Variants in NOD2 observed in about 807,000 individuals in gnomAD.
NOD2 encodes nucleotide binding oligomerization domain containing 2.
NOD2 carries 86 observed loss-of-function variants against 90.9 expected under a neutral mutation model. The ratio of observed to expected loss-of-function variants is 0.95; its 90% CI spans 0.79 to 1.13. The LOEUF (loss-of-function observed/expected upper bound fraction) is 1.13, where lower values mean the gene tolerates loss of function less well. Among genes scored for constraint, NOD2 ranks in the 50% most tolerant of loss-of-function variants. NOD2 has a pLI of 0.00. For synonymous variants in NOD2, 581 were observed against 554.6 expected (o/e 1.05, Z -0.67); for missense variants, 1,238 against 1,283.8 (o/e 0.96, Z 0.55).
At chr16:50,701,509 C>T (rs966356864) in intron 2 of NOD2, among the ~76,000 whole-genome samples, 1 of 152,204 alleles carries the variant, frequency 6.6e-6, no homozygotes, top group Non-Finnish European at 1.5e-5. Flanking sequence ...TGGTGCAGTC[C>T]TCTCTGATTA....
intron 1 of NOD2, chr16:50,696,286 G>T (rs1280911639): frequency 6.6e-6 from 1 of 152,308 alleles, no homozygotes; most frequent in African/African-American, 2.4e-5. Context: ...CTCAGGCCTG[G>T]GCCTGGGTTT....
chr16:50,729,227 G>A (rs1334531343), intron 10 of NOD2: 2 of 159,236 alleles, frequency 1.3e-5, no homozygotes, highest in African/African-American at 4.8e-5. Context: ...CAAGAGATTT[G>A]GGTGGGGACA....
chr16:50,718,468 T>G (rs1964899041), intron 6 of NOD2, among the ~76,000 whole-genome samples: 1 of 152,248 alleles, frequency 6.6e-6, no homozygotes, highest in East Asian at 1.9e-4. Flanking sequence ...ATTGTTTATC[T>G]CTAGAATTTT....
At position 50,697,100 on chromosome 16, in the gene NOD2, C is replaced by T. The variant is rs199475909; in HGVS notation, c.-8-2388C>T. 22 of 787,574 alleles carry T rather than the reference C, an allele frequency of 2.8e-5. No homozygotes were observed. The highest frequency in any genetic ancestry group is 1.5e-4 in the African/African-American group (9 of 58,516). 48.8% of individuals were successfully genotyped at this position (787,574 alleles called of 1,614,324 possible). A position where few individuals can be genotyped will look rare whatever the true frequency, so the allele number is the denominator to read the frequency against. ...AGGCTGGTTGGCCAACTCTGGCCTC[C>T]GGCTTTTCCTTTGGGAATTTCCCTT... On this transcript the variant is annotated intron_variant, in intron 1 of 11. Coordinates refer to ENST00000647318, the MANE Select transcript of NOD2 (RefSeq NM_001370466.1).
chr16:50,727,391 C>T (rs1356467002), intron 10 of NOD2: 1 of 170,988 alleles, frequency 5.8e-6, no homozygotes, highest in African/African-American at 2.4e-5. Flanking sequence ...TGGTTTCAGA[C>T]CATGAACTTT....
In NOD2 at chr16:50,711,604, T is replaced by C. The variant is rs766284613; in HGVS notation, c.1612T>C (p.Phe538Leu). Residue 538 changes from phenylalanine to leucine, a missense_variant, in exon 4 of 12, where the codon TTC (phenylalanine) becomes CTC (leucine). Around this residue, in one of 3 missense-constraint regions of NOD2, gnomAD observed 667 missense variants for 688.7 expected, o/e 0.97. Transcript: ENST00000647318. ...GGGCCTGGGCATGTGCTGCTACGTG[T>C]TCTCAGCCCAGCAGCTCCAGGCAGC... The part of the protein sequence containing the change: ...LWGLGMCCYV[F>L]SAQQLQAAQV... 3.7e-6 allele frequency: 6 copies of C among 1,611,658 alleles called. No individual in the cohort carries two copies. The highest frequency in any genetic ancestry group is 4.2e-6 in the Non-Finnish European group (5 of 1,180,004).
chr16:50,706,510 G>C (rs773325830), intron 2 of NOD2, among the ~76,000 whole-genome samples: 21 of 152,234 alleles, frequency 1.4e-4, no homozygotes, highest in African/African-American at 2.2e-4. Flanking sequence ...TTGTGGCTTG[G>C]AGGAGGATGG....
chr16:50,718,237 C>T (rs572339362), intron 6 of NOD2, among the ~76,000 whole-genome samples: 20 of 152,268 alleles, frequency 1.3e-4, no homozygotes, highest in Middle Eastern at 3.4e-3. Context: ...CTGCTGTTGA[C>T]CTGACCACAC....
intron 4 of NOD2, among the ~76,000 whole-genome samples, chr16:50,714,543 C>T (rs1333960238): frequency 6.6e-6 from 1 of 152,016 alleles, no homozygotes; most frequent in East Asian, 1.9e-4. Context: ...ACCTTACACA[C>T]ACTAAAACTG....
rs555550682 is a variant in NOD2 at position 50,707,884 on chromosome 16, G to A, written c.489G>A (p.Val163=). ...GAAGGCTGCTTGATCTTGCCACGGT[G>A]AAAGCGAATGGATTGGCTGCCTTCC... ...RARRLLDLAT[V]KANGLAAFLL... Residue 163 remains valine (V), a synonymous_variant, in exon 3 of 12, where the codon GTG becomes GTA. Transcript: ENST00000647318. 2.5e-6 allele frequency: 4 copies of A among 1,614,150 alleles called. No homozygotes were observed. In the African/African-American group the frequency reaches 4.0e-5, roughly 16 times the overall value.
intron 2 of NOD2, among the ~76,000 whole-genome samples, chr16:50,703,362 G>C (rs1964024477): frequency 1.3e-5 from 2 of 152,202 alleles, no homozygotes; most frequent in African/African-American, 4.8e-5. Context: ...AAATTAGGCT[G>C]GGTGCAGTGG....
Position 50,699,761 on chromosome 16 carries a change from C to A in NOD2, c.266C>A (p.Ser89Tyr). Residue 89 changes from serine to tyrosine, a missense_variant, in exon 2 of 12, where the codon TCC (serine) becomes TAC (tyrosine). Around this residue, in one of 3 missense-constraint regions of NOD2, gnomAD observed 567 missense variants for 577.3 expected, o/e 0.98. Transcript: ENST00000647318. ...AAQEAQADSQ[S>Y]PKLHGCWDPH... is the part of the protein sequence containing the mutation. ...CAAGAAGCCCAGGCCGACAGCCAGT[C>A]CCCCAAGCTGCATGGCTGCTGGGAC... 6.2e-7 allele frequency: 1 copy of A among 1,613,942 alleles called. No individual in the cohort carries two copies. Among genetic ancestry groups the A allele is most frequent in the African/African-American group, 1.3e-5 (1 of 75,052 alleles).
At chr16:50,707,276 G>A (rs137984638) in intron 2 of NOD2, among the ~76,000 whole-genome samples, 2 of 152,310 alleles carry the variant, frequency 1.3e-5, no homozygotes, top group East Asian at 1.9e-4. Flanking sequence ...CCAAGACTTC[G>A]GGGCAGAGCA....
At chr16:50,708,164 T>C (rs186642294) in intron 3 of NOD2, among the ~76,000 whole-genome samples, 4 of 152,344 alleles carry the variant, frequency 2.6e-5, no homozygotes, top group East Asian at 1.9e-4. Flanking sequence ...TAATGTTAGC[T>C]ATTAGCTTTC....
chr16:50,718,317 G>C (rs1964889088), intron 6 of NOD2, among the ~76,000 whole-genome samples: 1 of 152,216 alleles, frequency 6.6e-6, no homozygotes. Flanking sequence ...GCAGCTGGAT[G>C]TCAGGAGCAG....
chr16:50,709,188 C>A (rs1174505250), intron 3 of NOD2, among the ~76,000 whole-genome samples: 1 of 152,048 alleles, frequency 6.6e-6, no homozygotes, highest in East Asian at 1.9e-4. Context: ...GTTCAGGGAT[C>A]CTGGTATATT....
rs751044848 is a variant in NOD2, at chr16:50,699,632, G to C, written c.137G>C (p.Gly46Ala). ...WEVLSWEDYEGFHLLGQPLSH... is the reference protein window; with the variant it reads ...WEVLSWEDYEAFHLLGQPLSH... ...GTCCTCTCCTGGGAGGACTACGAGG[G>C]CTTCCACCTCCTGGGCCAGCCTCTC... The change falls in exon 2 of 12, where the codon GGC (glycine) becomes GCC (alanine). Residue 46 changes from glycine (G) to alanine (A), a missense_variant. By Grantham distance (60) the Gly-to-Ala change is moderately conservative. Around this residue, in one of 3 missense-constraint regions of NOD2, gnomAD observed 567 missense variants for 577.3 expected, o/e 0.98. Coordinates refer to ENST00000647318, the MANE Select transcript of NOD2 (RefSeq NM_001370466.1). 6.2e-7 allele frequency: 1 copy of C among 1,614,114 alleles called. No individual in the cohort carries two copies. The highest frequency in any genetic ancestry group is 1.1e-5 in the South Asian group (1 of 91,084).
rs527305056 is a variant in NOD2, at chr16:50,711,045, T to C, written c.1053T>C (p.Phe351=). The C allele has an allele frequency of 6.2e-6, 10 of 1,614,218 alleles. No homozygotes were observed. Among genetic ancestry groups the C allele is most frequent in the Non-Finnish European group, 8.5e-6 (10 of 1,180,030 alleles). ...LDHPDRVLLT[F]DGFDEFKFRF... ...ACCCTGACCGTGTCCTGTTAACCTT[T>C]GATGGCTTTGACGAGTTCAAGTTCA... The change falls in exon 4 of 12, where the codon TTT becomes TTC. Residue 351 remains phenylalanine (F), a synonymous_variant. Transcript: ENST00000647318.
Position 50,708,606 on chromosome 16 carries a change from A to G in NOD2, c.565+646A>G, listed in dbSNP as rs145891076. On this transcript the variant is annotated intron_variant, in intron 3 of 11. Transcript: ENST00000647318. Reference sequence around the variant, plus strand: ...ATGGGTCTGATTGTAAATTGTCCCCACCTACACTTTCTCTTTTCTTGGGAG... The same window carrying G: ...ATGGGTCTGATTGTAAATTGTCCCCGCCTACACTTTCTCTTTTCTTGGGAG... Among the ~76,000 whole-genome samples, 36 of 152,278 alleles carry G rather than the reference A, an allele frequency of 2.4e-4. No individual in the cohort carries two copies. The South Asian group carries it at 3.5e-3, about 15-fold the overall frequency.
Sources: gnomAD v4.1 joint callset for allele counts (sites outside exome capture counted in the v4.1 genomes callset) on GRCh38, gnomAD v4.1.1 for gene constraint, gnomAD v4.1.1 regional missense constraint, MANE v1.5 for transcripts, NCBI Gene and HGNC (gene_info 2026-07-23, HGNC 2026-07-21) for gene names.